Variants in KCNH7 observed in about 807,000 individuals in gnomAD.
KCNH7 encodes the protein voltage-gated inwardly rectifying potassium channel KCNH7.
In KCNH7, 49 loss-of-function variants were observed where a neutral mutation model predicts 120.8. The ratio of observed to expected loss-of-function variants is 0.41; its 90% CI spans 0.32 to 0.51. The LOEUF (loss-of-function observed/expected upper bound fraction) is 0.51, where lower values mean the gene tolerates loss of function less well. Among genes scored for constraint, KCNH7 ranks in the 20% least tolerant of loss-of-function variants. The probability of loss-of-function intolerance (pLI) is 0.38; values close to 1 mark genes in which losing one functional copy is unlikely to be tolerated. For missense variants in KCNH7, 1,097 were observed against 1,446.6 expected (o/e 0.76, Z 3.92); for synonymous variants, 547 against 516.1 (o/e 1.06, Z -0.81).
chr2:162,625,780 A>G (rs927316394), intron 2 of KCNH7, among the ~76,000 whole-genome samples: 1 of 152,172 alleles, frequency 6.6e-6, no homozygotes, highest in East Asian at 1.9e-4. Flanking sequence ...CTATAATAAC[A>G]GGAAATAATT....
chr2:162,838,410 G>A (rs945466988), intron 1 of KCNH7, 33 bp downstream of exon 1: 14 of 1,572,514 alleles, frequency 8.9e-6, no homozygotes, highest in Non-Finnish European at 1.2e-5. Flanking sequence ...AAGGCAGAAA[G>A]CGAGGGCGAG....
chr2:162,610,327 A>AT (rs5835913), intron 2 of KCNH7, among the ~76,000 whole-genome samples: 6 of 151,772 alleles, frequency 4.0e-5, no homozygotes, highest in Admixed American at 1.3e-4. Flanking sequence ...CTAAATGAGG[A>AT]TTTTTTTTTC....
chr2:162,482,821 A>G (rs1383074484), intron 6 of KCNH7, among the ~76,000 whole-genome samples: 3 of 152,168 alleles, frequency 2.0e-5, no homozygotes, highest in Admixed American at 6.5e-5. Context: ...CTGGATAGCT[A>G]TACCAAAAAA....
intron 2 of KCNH7, among the ~76,000 whole-genome samples, chr2:162,831,166 G>A (rs532176234): frequency 2.0e-5 from 3 of 152,224 alleles, no homozygotes; most frequent in Admixed American, 6.5e-5. Flanking sequence ...CTGGGCTTCA[G>A]TGTTATTTCC....
chr2:162,811,344 A>C (rs1684727270), intron 2 of KCNH7, among the ~76,000 whole-genome samples: 1 of 152,162 alleles, frequency 6.6e-6, no homozygotes, highest in South Asian at 2.1e-4. Context: ...AAGCTAAACA[A>C]CATTATGAAA....
chr2:162,744,925 G>A (rs925480732), intron 2 of KCNH7, among the ~76,000 whole-genome samples: 4 of 152,150 alleles, frequency 2.6e-5, no homozygotes, highest in Non-Finnish European at 5.9e-5. Flanking sequence ...CAAGATTGGT[G>A]TGTCAGTCCT....
chr2:162,398,935 T>C (rs922635323), intron 10 of KCNH7, among the ~76,000 whole-genome samples: 3 of 151,862 alleles, frequency 2.0e-5, no homozygotes, highest in African/African-American at 7.2e-5. Context: ...TATAATAAAA[T>C]TATCAAAATA....
chr2:162,578,698 G>C (rs1693767368), intron 2 of KCNH7, among the ~76,000 whole-genome samples: 1 of 152,050 alleles, frequency 6.6e-6, no homozygotes, highest in Non-Finnish European at 1.5e-5. Context: ...CTTATTCGTG[G>C]CATAGGAACT....
At chr2:162,656,813 T>C (rs1203721905) in intron 2 of KCNH7, among the ~76,000 whole-genome samples, 1 of 152,108 alleles carries the variant, frequency 6.6e-6, no homozygotes, top group Non-Finnish European at 1.5e-5. Context: ...CAGAGATTTG[T>C]TTGGCTAGAT....
intron 6 of KCNH7, among the ~76,000 whole-genome samples, chr2:162,467,484 C>T (rs565536388): frequency 6.6e-6 from 1 of 152,286 alleles, no homozygotes; most frequent in African/African-American, 2.4e-5. Context: ...CCTCCTCTCT[C>T]TCTTGCCTCC....
intron 2 of KCNH7, among the ~76,000 whole-genome samples, chr2:162,669,664 A>G (rs1685269702): frequency 6.6e-6 from 1 of 152,190 alleles, no homozygotes; most frequent in Non-Finnish European, 1.5e-5. Flanking sequence ...ATTTCTGATC[A>G]TAATAACTGG....
At chr2:162,554,636 C>T (rs566266520) in intron 2 of KCNH7, among the ~76,000 whole-genome samples, 2 of 152,304 alleles carry the variant, frequency 1.3e-5, no homozygotes, top group South Asian at 2.1e-4. Context: ...ATCTGTCTCT[C>T]TGACTATGAG....
intron 2 of KCNH7, among the ~76,000 whole-genome samples, chr2:162,635,948 G>T (rs1337885970): frequency 6.6e-6 from 1 of 152,052 alleles, no homozygotes; most frequent in Admixed American, 6.6e-5. Flanking sequence ...TCTCTCTTAC[G>T]AATAATTCTT....
intron 2 of KCNH7, among the ~76,000 whole-genome samples, chr2:162,670,769 G>C (rs551740014): frequency 4.0e-5 from 6 of 150,762 alleles, no homozygotes; most frequent in South Asian, 4.2e-4. Flanking sequence ...AAGAAAGGTG[G>C]AAAAAAATTT....
chr2:162,677,337 TA>T (rs1218504543), intron 2 of KCNH7, among the ~76,000 whole-genome samples: 1 of 151,510 alleles, frequency 6.6e-6, no homozygotes, highest in Non-Finnish European at 1.5e-5. Context: ...GTGAATTTTT[TA>T]CAAAATGAAT....
intron 4 of KCNH7, among the ~76,000 whole-genome samples, chr2:162,515,552 C>A (rs1468099940): frequency 6.6e-6 from 1 of 151,730 alleles, no homozygotes; most frequent in East Asian, 2.0e-4. Flanking sequence ...AAGGCAATTT[C>A]TGAAAAGTCA....
chr2:162,646,537 G>A (rs1684364392), intron 2 of KCNH7, among the ~76,000 whole-genome samples: 1 of 152,202 alleles, frequency 6.6e-6, no homozygotes, highest in Non-Finnish European at 1.5e-5. Context: ...ACCTTAAGAT[G>A]AGAAGTTTAT....
At chr2:162,743,317 T>G (rs565124660) in intron 2 of KCNH7, among the ~76,000 whole-genome samples, 4 of 152,136 alleles carry the variant, frequency 2.6e-5, no homozygotes, top group South Asian at 4.1e-4. Context: ...TAAAAAAGCT[T>G]CAGAAAGAGC....
chr2:162,470,586 C>T (rs1279531183), intron 6 of KCNH7, among the ~76,000 whole-genome samples: 2 of 151,522 alleles, frequency 1.3e-5, no homozygotes, highest in Admixed American at 1.3e-4. Context: ...GGGGGTCAGC[C>T]CCCGCCAGGC....
Sources: gnomAD v4.1 joint callset for allele counts (sites outside exome capture counted in the v4.1 genomes callset) on GRCh38, gnomAD v4.1.1 for gene constraint, MANE v1.5 for transcripts, NCBI Gene and HGNC (gene_info 2026-07-23, HGNC 2026-07-21) for gene names.